Variants in LRIG2 observed in about 807,000 individuals in gnomAD.
LRIG2 encodes the protein leucine-rich repeats and immunoglobulin-like domains protein 2.
Under a neutral mutation model 107.8 loss-of-function variants are expected in LRIG2, and 93 were observed. The observed-to-expected ratio is 0.86, with a 90% CI of 0.73 to 1.03. The LOEUF is 1.03. Among genes scored for constraint, LRIG2 ranks in the 50% least tolerant of loss-of-function variants. LRIG2 has a pLI of 0.00. For missense variants in LRIG2, 1,226 were observed against 1,296.0 expected, an observed-to-expected ratio of 0.95 and a Z score of 0.83; for synonymous variants, 471 against 470.6, an observed-to-expected ratio of 1.00 and a Z score of -0.01.
chr1:113,112,389 T>A (rs897529692), intron 13 of LRIG2, 90 bp from the exon 14 acceptor site: 2 of 1,134,964 alleles, frequency 1.8e-6, no homozygotes, highest in African/African-American at 1.5e-5. Context: ...GGGGGTGTCT[T>A]GCCTACTAGA....
At chr1:113,089,962 T>C (rs1653729841) in intron 1 of LRIG2, among the ~76,000 whole-genome samples, 2 of 151,880 alleles carry the variant, frequency 1.3e-5, no homozygotes, top group East Asian at 3.9e-4. Context: ...CCCAAAGTGC[T>C]GGGATTACAG....
chr1:113,104,687 G>A (rs1465750421), intron 11 of LRIG2, among the ~76,000 whole-genome samples: 1 of 151,926 alleles, frequency 6.6e-6, no homozygotes, highest in African/African-American at 2.4e-5. Context: ...GCTAATTTTT[G>A]TATCTTTAGA....
intron 9 of LRIG2, 107 bp from the exon 10 acceptor site, chr1:113,100,104 T>C (rs535718054): frequency 1.3e-4 from 75 of 568,724 alleles, no homozygotes; most frequent in Non-Finnish European, 2.2e-4. Flanking sequence ...CTGTTAAGTA[T>C]ATAAAAAAGT....
At chr1:113,086,529 A>G (rs747381174) in intron 1 of LRIG2, among the ~76,000 whole-genome samples, 2 of 152,186 alleles carry the variant, frequency 1.3e-5, no homozygotes, top group Non-Finnish European at 2.9e-5. Context: ...CTTGAAAACA[A>G]AATTGTTGAT....
chr1:113,100,330 A>G (rs1413966725), intron 10 of LRIG2, 48 bp downstream of exon 10: 4 of 1,499,018 alleles, frequency 2.7e-6, no homozygotes, highest in Non-Finnish European at 3.7e-6. Context: ...AATCTTTGCT[A>G]TTAGCAGAGG....
chr1:113,074,292 A>G (rs1164432643), intron 1 of LRIG2, among the ~76,000 whole-genome samples: 1 of 152,142 alleles, frequency 6.6e-6, no homozygotes, highest in Non-Finnish European at 1.5e-5. Context: ...TTGCAGAACC[A>G]TTTGATGCTT....
At chr1:113,110,969 A>G (rs1365354703) in intron 13 of LRIG2, among the ~76,000 whole-genome samples, 1 of 150,928 alleles carries the variant, frequency 6.6e-6, no homozygotes, top group Non-Finnish European at 1.5e-5. Flanking sequence ...TCATTGTCTA[A>G]ATGTAGTTAC....
intron 1 of LRIG2, among the ~76,000 whole-genome samples, chr1:113,075,559 A>G (rs1266528439): frequency 6.6e-6 from 1 of 152,176 alleles, no homozygotes; most frequent in Non-Finnish European, 1.5e-5. Flanking sequence ...AACCTAGCAC[A>G]GCCTCTTTGT....
chr1:113,096,271 G>T lies in LRIG2; in HGVS notation c.997G>T (p.Gly333Cys), dbSNP rs768033222. The change falls in exon 8 of 18, where the codon GGT becomes TGT. Residue 333 changes from glycine to cysteine, a missense_variant. Physicochemically the swap from Gly to Cys is radical, Grantham distance 159. Transcript: ENST00000361127. ...CCGCCTGGATGAATCTGCCTTTGTGGGTCTGAGCTTATTGGAGAGATTGAA... is the reference window on the plus strand; with the variant it reads ...CCGCCTGGATGAATCTGCCTTTGTGTGTCTGAGCTTATTGGAGAGATTGAA... ...LTRLDESAFV[G>C]LSLLERLNLG... 8 of 1,613,994 alleles carry T rather than the reference G, an allele frequency of 5.0e-6. No homozygotes were observed. Among genetic ancestry groups the T allele is most frequent in the Non-Finnish European group, 6.8e-6 (8 of 1,180,022 alleles).
At chr1:113,094,800 T>A (rs1557904700) in intron 6 of LRIG2, 45 bp downstream of exon 6, 5 of 1,584,126 alleles carry the variant, frequency 3.2e-6, no homozygotes, top group Non-Finnish European at 4.3e-6. Flanking sequence ...AGTAGTCTGT[T>A]TGGGACTTTT....
intron 14 of LRIG2, among the ~76,000 whole-genome samples, chr1:113,114,183 C>T (rs977286729): frequency 4.0e-5 from 6 of 151,794 alleles, no homozygotes; most frequent in African/African-American, 1.2e-4. Flanking sequence ...CACCGCTGCT[C>T]ACCCCCTCCA....
Position 113,123,916 on chromosome 1 carries a change from G to C in LRIG2, c.3013G>C (p.Gly1005Arg). The change falls in exon 18 of 18, where the codon GGC becomes CGC. Residue 1005 changes from glycine to arginine, a missense_variant. Physicochemically the swap from Gly to Arg is moderately radical, Grantham distance 125. Around this residue, in one of 3 missense-constraint regions of LRIG2, gnomAD observed 642 missense variants for 712.2 expected, o/e 0.90. Transcript: ENST00000361127. ...CGTGTGGAACATAAACAGAGAACTAGGCCTGCCTCATCCTCCTTTTTCCCA... is the reference window on the plus strand; with the variant it reads ...CGTGTGGAACATAAACAGAGAACTACGCCTGCCTCATCCTCCTTTTTCCCA... Reference protein sequence around the residue: ...RPVWNINRELGLPHPPFSQQP... With the variant: ...RPVWNINRELRLPHPPFSQQP... The C allele has an allele frequency of 6.2e-7, 1 of 1,614,110 alleles. No individual in the cohort carries two copies. The highest frequency in any genetic ancestry group is 8.5e-7 in the Non-Finnish European group (1 of 1,180,034).
At chr1:113,109,094 T>G (rs1465290997) in intron 12 of LRIG2, among the ~76,000 whole-genome samples, 2 of 152,212 alleles carry the variant, frequency 1.3e-5, no homozygotes, top group East Asian at 3.8e-4. Flanking sequence ...CATTGTTTTT[T>G]ACAAAGTTTA....
intron 16 of LRIG2, among the ~76,000 whole-genome samples, chr1:113,118,566 G>C (rs1655111573): frequency 6.6e-6 from 1 of 152,148 alleles, no homozygotes; most frequent in Admixed American, 6.6e-5. Flanking sequence ...GGCATGATCT[G>C]TCTATCCACA....
chr1:113,097,761 T>C (rs1401120810), intron 8 of LRIG2, among the ~76,000 whole-genome samples: 1 of 152,244 alleles, frequency 6.6e-6, no homozygotes, highest in African/African-American at 2.4e-5. Context: ...TTTAGCCTCA[T>C]GCTCTTGCCA....
chr1:113,073,356 T>G lies in LRIG2; in HGVS notation c.-51T>G, dbSNP rs527279529. ...CTCTGCTGAGCTTCTCCGCCGATCCTCCTTTTCTAGCAGGCAGCTCTTCTA... is the reference window on the plus strand; with the variant it reads ...CTCTGCTGAGCTTCTCCGCCGATCCGCCTTTTCTAGCAGGCAGCTCTTCTA... On this transcript the variant is annotated 5_prime_UTR_variant, in exon 1 of 18. Transcript: ENST00000361127. 6.8e-7 allele frequency: 1 copy of G among 1,471,584 alleles called. No individual in the cohort carries two copies. Among genetic ancestry groups the G allele is most frequent in the East Asian group, 2.3e-5 (1 of 44,102 alleles). The allele number at this position is 1,471,584 out of a possible 1,614,324, so 91.2% of individuals were successfully genotyped here. A position where few individuals can be genotyped will look rare whatever the true frequency, so the allele number is the denominator to read the frequency against.
intron 16 of LRIG2, among the ~76,000 whole-genome samples, chr1:113,118,612 A>G (rs1278961663): frequency 2.0e-5 from 3 of 151,764 alleles, no homozygotes; most frequent in Non-Finnish European, 4.4e-5. Flanking sequence ...TTTCAAGAGC[A>G]TGGGCTCTGG....
In LRIG2 at chr1:113,114,780, G is replaced by T; in HGVS notation, c.2434G>T (p.Val812Phe). 1.2e-6 allele frequency: 2 copies of T among 1,614,142 alleles called. No homozygotes were observed. Among genetic ancestry groups the T allele is most frequent in the Non-Finnish European group, 1.7e-6 (2 of 1,180,028 alleles). The change falls in exon 15 of 18, where the codon GTT (valine) becomes TTT (phenylalanine). Residue 812 changes from valine to phenylalanine, a missense_variant. Physicochemically the swap from Val to Phe is conservative, Grantham distance 50 (BLOSUM62 -1). Transcript: ENST00000361127. The part of the protein sequence containing the change: ...GWTTVGIVII[V>F]VVCCVVGTSL... ...GACCACAGTTGGCATTGTCATCATT[G>T]TTGTGGTCTGCTGTGTTGTTGGCAC...
In LRIG2 at chr1:113,126,190, A is replaced by G. The variant is rs377136172; in HGVS notation, c.*2089A>G. 5 of 152,118 alleles carry G rather than the reference A, an allele frequency of 3.3e-5. No homozygotes were observed. In the South Asian group the frequency reaches 6.2e-4, roughly 19 times the overall value. The allele number at this position is 152,118 out of a possible 1,614,324, so 9.4% of individuals were successfully genotyped here. ...TATGGGTCAGTTATTTGCTCTCTCA[A>G]TGTCTCATGTTGCTGAGTTCTAGAA... On this transcript the variant is annotated 3_prime_UTR_variant, in exon 18 of 18. Transcript: ENST00000361127.
Sources: gnomAD v4.1 joint callset for allele counts (sites outside exome capture counted in the v4.1 genomes callset) on GRCh38, gnomAD v4.1.1 for gene constraint, gnomAD v4.1.1 regional missense constraint, MANE v1.5 for transcripts, NCBI Gene and HGNC (gene_info 2026-07-23, HGNC 2026-07-21) for gene names.